Variants in SAMSN1 observed in about 807,000 individuals in gnomAD.
SAMSN1 encodes the protein SAM domain-containing protein SAMSN-1.
A neutral mutation model predicts 42.0 loss-of-function variants in SAMSN1; 31 were observed. The ratio of observed to expected loss-of-function variants is 0.74; its 90% CI spans 0.55 to 1.00. The LOEUF (loss-of-function observed/expected upper bound fraction) is 1.00, where lower values mean the gene tolerates loss of function less well. Ranked by LOEUF, SAMSN1 falls within the 50% of genes least tolerant of loss-of-function variation. The probability of loss-of-function intolerance (pLI) is 0.00; values close to 1 mark genes in which losing one functional copy is unlikely to be tolerated. For synonymous variants in SAMSN1, 178 were observed against 151.9 expected, an observed-to-expected ratio of 1.17 and a Z score of -1.26; for missense variants, 464 against 439.4, an observed-to-expected ratio of 1.06 and a Z score of -0.50.
chr21:14,632,810 G>A (rs1001283575), intron 2 of SAMSN1, among the ~76,000 whole-genome samples: 3 of 152,118 alleles, frequency 2.0e-5, no homozygotes, highest in Non-Finnish European at 2.9e-5. Context: ...CTCAGTGATT[G>A]TTGGCAGCAT....
intron 1 of SAMSN1, among the ~76,000 whole-genome samples, chr21:14,650,169 A>G (rs1412650642): frequency 6.6e-6 from 1 of 152,156 alleles, no homozygotes; most frequent in Non-Finnish European, 1.5e-5. Flanking sequence ...ATCAGACTGA[A>G]TCTTCACTAT....
In SAMSN1 at chr21:14,613,442, T is replaced by C. The variant is rs143080717; in HGVS notation, c.198-529A>G. Among the ~76,000 whole-genome samples the C allele has an allele frequency of 5.2e-3, 791 of 152,308 alleles. 7 individuals are homozygous for C. Among genetic ancestry groups the C allele is most frequent in the African/African-American group, 0.018 (738 of 41,584 alleles). On this transcript the variant is annotated intron_variant, in intron 3 of 15. Transcript: ENST00000647101. ...AAAAAAATATGATCATGCTAATCAATTCATGTGTGTGGGTGAACACACACA... is the reference window on the plus strand; with the variant it reads ...AAAAAAATATGATCATGCTAATCAACTCATGTGTGTGGGTGAACACACACA...
At chr21:14,607,424 T>C (rs1158782143) in intron 5 of SAMSN1, among the ~76,000 whole-genome samples, 2 of 152,232 alleles carry the variant, frequency 1.3e-5, no homozygotes, top group Admixed American at 6.5e-5. Flanking sequence ...ATTTATAATG[T>C]TACAGACAGC....
Position 14,517,191 on chromosome 21 carries a change from A to T in SAMSN1, c.130-150T>A, listed in dbSNP as rs548225510. 2.1e-4 allele frequency: 141 copies of T among 669,614 alleles called. 1 individual carries two copies. The South Asian group carries it at 3.1e-3, about 15-fold the overall frequency. The allele number at this position is 669,614 out of a possible 1,614,324, so 41.5% of individuals were successfully genotyped here. A position where few individuals can be genotyped will look rare whatever the true frequency, so the allele number is the denominator to read the frequency against. ...AAATTTCTAACAATCCGGACATAACACATATTTTTAAAGTTGTCCAGCCCT... is the reference window on the plus strand; with the variant it reads ...AAATTTCTAACAATCCGGACATAACTCATATTTTTAAAGTTGTCCAGCCCT... On this transcript the variant is annotated intron_variant, in intron 2 of 7. Transcript: ENST00000400566.
intron 1 of SAMSN1, among the ~76,000 whole-genome samples, chr21:14,533,645 C>T (rs982402287): frequency 2.0e-5 from 3 of 152,116 alleles, no homozygotes; most frequent in Admixed American, 2.0e-4. Context: ...ATTCATAAAC[C>T]AAACTGATAA....
At chr21:14,626,210 T>A (rs1048768568) in intron 2 of SAMSN1, among the ~76,000 whole-genome samples, 15 of 152,214 alleles carry the variant, frequency 9.9e-5, no homozygotes, top group Non-Finnish European at 1.9e-4. Context: ...ATTCAGGACA[T>A]AGGCATGGGC....
At chr21:14,559,981 C>G (rs554604056) in intron 2 of SAMSN1, among the ~76,000 whole-genome samples, 1 of 152,206 alleles carries the variant, frequency 6.6e-6, no homozygotes, top group South Asian at 2.1e-4. Flanking sequence ...TATTATGGGC[C>G]TGGGACTCTG....
At chr21:14,616,101 A>G (rs1038141431) in intron 2 of SAMSN1, 17 of 426,824 alleles carry the variant, frequency 4.0e-5, no homozygotes, top group African/African-American at 3.2e-4. Context: ...AAGAGAATTC[A>G]TTCATTTTCT....
intron 2 of SAMSN1, among the ~76,000 whole-genome samples, chr21:14,557,946 G>A (rs1272577887): frequency 6.6e-6 from 1 of 152,212 alleles, no homozygotes; most frequent in African/African-American, 2.4e-5. Flanking sequence ...TGTCCGTGGA[G>A]GTCCTGTGGT....
At chr21:14,629,176 C>T (rs1043818857) in intron 2 of SAMSN1, among the ~76,000 whole-genome samples, 1 of 152,142 alleles carries the variant, frequency 6.6e-6, no homozygotes, top group Non-Finnish European at 1.5e-5. Context: ...CATGTCACTA[C>T]TAAATAACTC....
Position 14,576,049 on chromosome 21 carries a change from A to G in SAMSN1, c.261+6087T>C, listed in dbSNP as rs532884459. On this transcript the variant is annotated intron_variant, in intron 2 of 8. Transcript: ENST00000285670. ...AAAAAAATATCATTGTGCTTGATGA[A>G]AGGATGATACTCACTTTGTCTGCAG... 1.8e-4 allele frequency among the ~76,000 whole-genome samples: 28 copies of G among 152,308 alleles called. No homozygotes were observed. The South Asian group carries it at 5.6e-3, about 30-fold the overall frequency.
intron 1 of SAMSN1, among the ~76,000 whole-genome samples, chr21:14,533,055 C>T (rs1191001459): frequency 6.6e-6 from 1 of 152,020 alleles, no homozygotes; most frequent in Non-Finnish European, 1.5e-5. Flanking sequence ...TGGGACTACA[C>T]ATGTGCACCA....
chr21:14,542,690 T>C (rs565797772), intron 1 of SAMSN1, among the ~76,000 whole-genome samples: 74 of 152,250 alleles, frequency 4.9e-4, no homozygotes, highest in African/African-American at 1.7e-3. Flanking sequence ...ATCCCAGCAC[T>C]TTGGAAGGCT....
chr21:14,553,621 G>A (rs1020523128), intron 2 of SAMSN1, among the ~76,000 whole-genome samples: 1 of 152,054 alleles, frequency 6.6e-6, no homozygotes, highest in South Asian at 2.1e-4. Flanking sequence ...ACAGAAAAAG[G>A]GCACTTACAT....
At chr21:14,516,803 C>T (rs1987938388) in intron 3 of SAMSN1, 89 bp downstream of exon 3, 2 of 1,081,162 alleles carry the variant, frequency 1.8e-6, no homozygotes, top group Non-Finnish European at 2.6e-6. Context: ...TTAAGTACTT[C>T]ATAAAGTACC....
chr21:14,578,151 A>G (rs1031460403), intron 2 of SAMSN1, among the ~76,000 whole-genome samples: 5 of 152,214 alleles, frequency 3.3e-5, no homozygotes, highest in African/African-American at 1.2e-4. Flanking sequence ...AATAGATATT[A>G]ATAACCTTGC....
chr21:14,498,728 T>C (rs1033090809), intron 6 of SAMSN1, 136 bp from the exon 7 acceptor site: 54 of 600,642 alleles, frequency 9.0e-5, no homozygotes, highest in Middle Eastern at 4.6e-4. Flanking sequence ...ACTTCACTTG[T>C]ATTCGTTTCT....
chr21:14,509,955 CGGTGAAACCCT>C (rs1238348064), intron 5 of SAMSN1, among the ~76,000 whole-genome samples: 1 of 151,828 alleles, frequency 6.6e-6, no homozygotes, highest in Non-Finnish European at 1.5e-5. Context: ...CTGGCTAACA[CGGTGAAACCCT>C]GTCTCTACTA....
rs367643355 is a variant in SAMSN1 at position 14,614,872 on chromosome 21, CT to C, written c.197+1103del. Reference sequence around the variant, plus strand: ...GGAGTCTTCAATTTTATTTTAATTGCTTGAAATCTGAGGCCCACCTTAACTG... The same window carrying C: ...GGAGTCTTCAATTTTATTTTAATTGCTGAAATCTGAGGCCCACCTTAACTG... On this transcript the variant is annotated intron_variant, in intron 3 of 15. Coordinates refer to the SAMSN1 transcript ENST00000647101. 7.6e-4 allele frequency among the ~76,000 whole-genome samples: 116 copies of C among 152,182 alleles called. 1 individual carries two copies. In the South Asian group the frequency reaches 8.3e-3, roughly 11 times the overall value.
Sources: gnomAD v4.1 joint callset for allele counts (sites outside exome capture counted in the v4.1 genomes callset) on GRCh38, gnomAD v4.1.1 for gene constraint, MANE v1.5 for transcripts, NCBI Gene and HGNC (gene_info 2026-07-23, HGNC 2026-07-21) for gene names.